ESRRG: variants seen among roughly 807,000 people sequenced by gnomAD.
The protein encoded by ESRRG is estrogen related receptor gamma, also known as estrogen-related receptor gamma.
A neutral mutation model predicts 44.0 loss-of-function variants in ESRRG; 13 were observed. The ratio of observed to expected loss-of-function variants is 0.30; its 90% CI spans 0.19 to 0.47. The LOEUF (loss-of-function observed/expected upper bound fraction) is 0.47. Among genes scored for constraint, ESRRG ranks in the 20% least tolerant of loss-of-function variants. ESRRG has a pLI of 1.00. For synonymous variants in ESRRG, 215 were observed against 214.6 expected, an observed-to-expected ratio of 1.00 and a Z score of -0.02; for missense variants, 395 against 580.6, an observed-to-expected ratio of 0.68 and a Z score of 3.29.
chr1:216,957,473 G>A (rs1158803583), intron 1 of ESRRG, among the ~76,000 whole-genome samples: 5 of 152,078 alleles, frequency 3.3e-5, no homozygotes, highest in Non-Finnish European at 5.9e-5. Flanking sequence ...CATTCTTTAA[G>A]CAAATCTATC....
chr1:216,999,095 G>A (rs1215042885), intron 1 of ESRRG, among the ~76,000 whole-genome samples: 1 of 152,186 alleles, frequency 6.6e-6, no homozygotes, highest in East Asian at 1.9e-4. Flanking sequence ...TGGATCAGTG[G>A]CTTGGGTGAA....
intron 1 of ESRRG, among the ~76,000 whole-genome samples, chr1:217,114,426 T>C (rs1197244002): frequency 1.3e-5 from 2 of 152,014 alleles, no homozygotes; most frequent in Non-Finnish European, 2.9e-5. Flanking sequence ...TTTTCCCAGA[T>C]CAAGGTGTCT....
chr1:216,657,349 A>G (rs1407485871), intron 2 of ESRRG, among the ~76,000 whole-genome samples: 1 of 152,192 alleles, frequency 6.6e-6, no homozygotes, highest in East Asian at 1.9e-4. Context: ...TTGTGTAGGA[A>G]CACTACATCT....
chr1:216,903,364 G>C (rs369860385), intron 2 of ESRRG, among the ~76,000 whole-genome samples: 24 of 151,968 alleles, frequency 1.6e-4, no homozygotes, highest in African/African-American at 5.3e-4. Context: ...TAGACAAAGA[G>C]AGCCGTGTGT....
At position 217,021,073 on chromosome 1, in the gene ESRRG, CACAT is replaced by C. The variant is rs1480397813; in HGVS notation, c.-106+68430_-106+68433del. ...ATACACACACACACACACACACACA[CACAT>C]ACACACAGAGAAAGATACACTCACT... On this transcript the variant is annotated intron_variant, in intron 1 of 7. Coordinates refer to the ESRRG transcript ENST00000359162. Among the ~76,000 whole-genome samples, 13 of 151,574 alleles carry C rather than the reference CACAT, an allele frequency of 8.6e-5. No homozygotes were observed. In the South Asian group the frequency reaches 2.7e-3, roughly 32 times the overall value.
intron 2 of ESRRG, among the ~76,000 whole-genome samples, chr1:216,841,145 C>A (rs2095646783): frequency 6.6e-6 from 1 of 152,024 alleles, no homozygotes; most frequent in Non-Finnish European, 1.5e-5. Flanking sequence ...AAATTGGTGG[C>A]CCCCTTGTTA....
chr1:217,080,730 T>A (rs1192679358), intron 1 of ESRRG, among the ~76,000 whole-genome samples: 2 of 138,526 alleles, frequency 1.4e-5, no homozygotes, highest in Non-Finnish European at 3.0e-5. Flanking sequence ...CAGGCTGGAG[T>A]GCAGTGGCGC....
At chr1:217,029,804 A>C (rs1007838292) in intron 1 of ESRRG, among the ~76,000 whole-genome samples, 4 of 152,220 alleles carry the variant, frequency 2.6e-5, no homozygotes, top group Non-Finnish European at 4.4e-5. Flanking sequence ...AGTGAAAAGA[A>C]AAGGAGTCAG....
intron 2 of ESRRG, among the ~76,000 whole-genome samples, chr1:216,899,434 G>T (rs1267226354): frequency 6.6e-6 from 1 of 152,174 alleles, no homozygotes; most frequent in Non-Finnish European, 1.5e-5. Context: ...AGGCTTTGAA[G>T]CAGTCTCAAA....
chr1:216,726,714 A>G (rs1049480762), upstream of ESRRG, among the ~76,000 whole-genome samples: 3 of 152,176 alleles, frequency 2.0e-5, no homozygotes, highest in African/African-American at 7.2e-5. Flanking sequence ...TCAGTCTATT[A>G]TGCATCAGGC....
At chr1:216,818,885 T>C (rs150689108) in intron 2 of ESRRG, among the ~76,000 whole-genome samples, 2,067 of 152,300 alleles carry the variant, frequency 0.014, 30 homozygotes, top group Non-Finnish European at 0.023. Context: ...TGTTCCTGTG[T>C]TAGTTTCCTG....
chr1:216,818,981 A>G (rs888514488), intron 2 of ESRRG, among the ~76,000 whole-genome samples: 13 of 152,142 alleles, frequency 8.5e-5, no homozygotes, highest in Non-Finnish European at 1.8e-4. Flanking sequence ...TCCATGGTGT[A>G]TATATACCAC....
intron 2 of ESRRG, among the ~76,000 whole-genome samples, chr1:216,778,360 G>A (rs1366831142): frequency 1.3e-5 from 2 of 151,994 alleles, no homozygotes; most frequent in Non-Finnish European, 2.9e-5. Flanking sequence ...CCTTGGGAGA[G>A]GCATGGATAA....
chr1:216,648,556 G>A (rs575841317), intron 3 of ESRRG, among the ~76,000 whole-genome samples: 5 of 152,148 alleles, frequency 3.3e-5, no homozygotes, highest in South Asian at 2.1e-4. Flanking sequence ...CACTCTTACC[G>A]CCCTTCAGGA....
At position 216,641,753 on chromosome 1, in the gene ESRRG, A is replaced by G. The variant is rs550384681; in HGVS notation, c.589+9220T>C. Among the ~76,000 whole-genome samples the G allele has an allele frequency of 2.0e-4, 31 of 152,358 alleles. No individual in the cohort carries two copies. The East Asian group carries it at 5.4e-3, about 27-fold the overall frequency. Reference sequence around the variant, plus strand: ...TTCAGTACTACTGATGTTTATTCACATAGTTTGTAACTGTTAAGTTATTCC... The same window carrying G: ...TTCAGTACTACTGATGTTTATTCACGTAGTTTGTAACTGTTAAGTTATTCC... On this transcript the variant is annotated intron_variant, in intron 3 of 6. Transcript: ENST00000408911.
rs2118152 is a variant in ESRRG, at chr1:216,924,471, A to G, written c.-14+15111T>C. ...CCAGTGTCCAGCAGCCCCTTCAGCCAGGGCTTTGGCTTCTTCTGGTTCATT... is the reference window on the plus strand; with the variant it reads ...CCAGTGTCCAGCAGCCCCTTCAGCCGGGGCTTTGGCTTCTTCTGGTTCATT... On this transcript the variant is annotated intron_variant, in intron 2 of 7. Transcript: ENST00000359162. Among the ~76,000 whole-genome samples, 113 of 152,268 alleles carry G rather than the reference A, an allele frequency of 7.4e-4. 1 individual carries two copies. The South Asian group carries it at 0.023, about 30-fold the overall frequency.
intron 2 of ESRRG, among the ~76,000 whole-genome samples, chr1:216,776,950 C>T (rs977546366): frequency 2.6e-5 from 4 of 152,094 alleles, no homozygotes; most frequent in Non-Finnish European, 4.4e-5. Context: ...GGAAGACAAA[C>T]GAGGGCATCT....
chr1:217,116,006 G>T (rs926273853), intron 1 of ESRRG, among the ~76,000 whole-genome samples: 1 of 152,180 alleles, frequency 6.6e-6, no homozygotes. Flanking sequence ...AAGACTAGCA[G>T]TTTTGAGGAT....
intron 5 of ESRRG, among the ~76,000 whole-genome samples, chr1:216,554,667 T>G (rs1225437811): frequency 6.6e-6 from 1 of 152,114 alleles, no homozygotes; most frequent in Non-Finnish European, 1.5e-5. Context: ...ATGCCATTAA[T>G]ATGGATAGTT....
Sources: allele counts gnomAD v4.1 joint callset (sites outside exome capture counted in the v4.1 genomes callset), GRCh38; gene constraint gnomAD v4.1.1; transcripts MANE v1.5; gene names NCBI Gene and HGNC (gene_info 2026-07-23, HGNC 2026-07-21).